The following KIF24 variants were observed in gnomAD, a reference collection of about 807,000 sequenced individuals.
KIF24 encodes the protein kinesin-like protein KIF24.
A neutral mutation model predicts 118.9 loss-of-function variants in KIF24; 81 were observed. That is an observed-to-expected ratio of 0.68 (90% confidence interval 0.57 to 0.82). The LOEUF (loss-of-function observed/expected upper bound fraction) is 0.82. Ranked by LOEUF, KIF24 falls within the 40% of genes least tolerant of loss-of-function variation. The probability of loss-of-function intolerance (pLI) is 0.00; values close to 1 mark genes in which losing one functional copy is unlikely to be tolerated. For synonymous variants in KIF24, 599 were observed against 610.0 expected, an observed-to-expected ratio of 0.98 and a Z score of 0.27; for missense variants, 1,560 against 1,661.6, an observed-to-expected ratio of 0.94 and a Z score of 1.06.
intron 7 of KIF24, among the ~76,000 whole-genome samples, chr9:34,270,056 T>C (rs959785915): frequency 1.3e-5 from 2 of 151,572 alleles, no homozygotes; most frequent in Non-Finnish European, 2.9e-5. Flanking sequence ...ACCCCGTCTC[T>C]ACTAAAAATA....
intron 3 of KIF24, among the ~76,000 whole-genome samples, chr9:34,300,735 A>G (rs553311569): frequency 6.6e-6 from 1 of 152,030 alleles, no homozygotes; most frequent in African/African-American, 2.4e-5. Flanking sequence ...AGGAGACAAA[A>G]TAATTCGTTG....
chr9:34,255,821 G>C lies in KIF24; in HGVS notation c.3786C>G (p.Cys1262Trp). Residue 1262 changes from cysteine (C) to tryptophan (W), a missense_variant, in exon 11 of 13, where the codon TGC becomes TGG. Around this residue, in one of 3 missense-constraint regions of KIF24, gnomAD observed 591 missense variants for 655.6 expected, o/e 0.90. Transcript: ENST00000402558. ...TWLKPRPISR[C>W]LARPSSPLVP... ...CCAAGGGAGAACTTGGCCTTGCTAA[G>C]CACCTTGAGATCGGCCTGGGTTTGA... 1.2e-6 allele frequency: 2 copies of C among 1,613,980 alleles called. No homozygotes were observed. The highest frequency in any genetic ancestry group is 8.5e-7 in the Non-Finnish European group (1 of 1,179,854).
At position 34,252,755 on chromosome 9, in the gene KIF24, C is replaced by G. The variant is rs1480164674; in HGVS notation, c.*1625G>C. The G allele has an allele frequency of 6.6e-6, 1 of 152,134 alleles. No homozygotes were observed. The highest frequency in any genetic ancestry group is 2.1e-4 in the South Asian group (1 of 4,828). The allele number at this position is 152,134 out of a possible 1,614,324, so 9.4% of individuals were successfully genotyped here. ...CCCAGCTCCGTCTGTGGACCAAGGA[C>G]GTAGGCCTTCCTGACTGTGGAGTTG... is the stretch of plus-strand genomic sequence containing the variant. On this transcript the variant is annotated 3_prime_UTR_variant, in exon 13 of 13. Transcript: ENST00000402558.
chr9:34,328,745 G>A (rs1837763805), intron 1 of KIF24, among the ~76,000 whole-genome samples: 1 of 152,166 alleles, frequency 6.6e-6, no homozygotes, highest in African/African-American at 2.4e-5. Flanking sequence ...ATGGGAAAAG[G>A]GAAGCGAACG....
At chr9:34,317,311 C>A (rs1244645308) in intron 1 of KIF24, among the ~76,000 whole-genome samples, 1 of 151,566 alleles carries the variant, frequency 6.6e-6, no homozygotes, top group African/African-American at 2.4e-5. Context: ...AATCACTTGA[C>A]CGTGGGAGGC....
chr9:34,290,013 T>C (rs1471608628), intron 5 of KIF24, among the ~76,000 whole-genome samples, 161 bp downstream of exon 5: 8 of 152,192 alleles, frequency 5.3e-5, no homozygotes, highest in Admixed American at 4.6e-4. Context: ...TATAGCTGAA[T>C]TGACAGCTAG....
At chr9:34,261,380 G>A (rs1014606509) in intron 9 of KIF24, among the ~76,000 whole-genome samples, 1 of 152,074 alleles carries the variant, frequency 6.6e-6, no homozygotes, top group East Asian at 1.9e-4. Flanking sequence ...TATGAATGCT[G>A]ATTTAACATC....
intron 5 of KIF24, among the ~76,000 whole-genome samples, chr9:34,288,799 A>T (rs1365988523): frequency 2.0e-5 from 3 of 151,808 alleles, no homozygotes; most frequent in Admixed American, 6.6e-5. Context: ...CATTAAAGAA[A>T]TGCGTTCAGA....
chr9:34,256,558 T>C lies in KIF24; in HGVS notation c.3049A>G (p.Ile1017Val), dbSNP rs751774174. 4.3e-6 allele frequency: 7 copies of C among 1,613,872 alleles called. No homozygotes were observed. Among genetic ancestry groups the C allele is most frequent in the South Asian group, 1.1e-5 (1 of 91,088 alleles). ...PLREVSADGP[I>V]QVTSTVKNGH... ...TTTTTCACAGTGCTGGTCACCTGGA[T>C]TGGGCCGTCTGCACTGACTTCTCTC... The change falls in exon 11 of 13, where the codon ATC becomes GTC. Residue 1017 changes from isoleucine (I) to valine (V), a missense_variant. Around this residue, in one of 3 missense-constraint regions of KIF24, gnomAD observed 591 missense variants for 655.6 expected, o/e 0.90. Coordinates refer to ENST00000402558, the MANE Select transcript of KIF24 (RefSeq NM_194313.4).
chr9:34,298,131 AG>A (rs769513081), intron 3 of KIF24, among the ~76,000 whole-genome samples: 3 of 152,200 alleles, frequency 2.0e-5, no homozygotes, highest in Non-Finnish European at 4.4e-5. Flanking sequence ...TTCCAGGCAC[AG>A]GGGAAGTATG....
chr9:34,302,093 C>T (rs1476756649), intron 3 of KIF24, among the ~76,000 whole-genome samples: 10 of 146,692 alleles, frequency 6.8e-5, no homozygotes, highest in African/African-American at 2.3e-4. Context: ...CTCCTGGGTT[C>T]ACGCCATTCT....
At chr9:34,299,968 T>G (rs1199521395) in intron 3 of KIF24, among the ~76,000 whole-genome samples, 2 of 152,096 alleles carry the variant, frequency 1.3e-5, no homozygotes, top group African/African-American at 4.8e-5. Flanking sequence ...TTCTACTTTT[T>G]GGGCCTGCTC....
Position 34,257,163 on chromosome 9 carries a change from T to C in KIF24, c.2444A>G (p.His815Arg), listed in dbSNP as rs1834882062. 6.2e-7 allele frequency: 1 copy of C among 1,614,028 alleles called. No homozygotes were observed. ...PPLFHSYSEN[H>R]DGAQVEELDD... is the part of the protein sequence containing the mutation. ...AAGTTCCTCTACTTGGGCTCCATCA[T>C]GGTTTTCAGAGTAAGAGTGGAACAG... is the stretch of plus-strand genomic sequence containing the variant. The change falls in exon 11 of 13, where the codon CAT (histidine) becomes CGT (arginine). Residue 815 changes from histidine (H) to arginine (R), a missense_variant. His to Arg is a conservative substitution (Grantham distance 29, BLOSUM62 0). Coordinates refer to ENST00000402558, the MANE Select transcript of KIF24 (RefSeq NM_194313.4).
At chr9:34,305,655 G>A (rs1836884520) in intron 3 of KIF24, among the ~76,000 whole-genome samples, 1 of 152,182 alleles carries the variant, frequency 6.6e-6, no homozygotes, top group African/African-American at 2.4e-5. Context: ...CCAGGCTGGA[G>A]TGCAGTGGTG....
At chr9:34,268,987 A>T (rs954247341) in intron 8 of KIF24, among the ~76,000 whole-genome samples, 6 of 152,222 alleles carry the variant, frequency 3.9e-5, no homozygotes, top group Non-Finnish European at 8.8e-5. Context: ...AGCTTAGCGG[A>T]GTTAACCATT....
chr9:34,257,530 C>G lies in KIF24; in HGVS notation c.2077G>C (p.Gly693Arg), dbSNP rs373559929. 14 of 1,613,976 alleles carry G rather than the reference C, an allele frequency of 8.7e-6. No homozygotes were observed. ...GTGGACAGCTTACCACGCACTAGGC[C>G]TTCTCCTGGGCCTGAGGCCCTGCTT... ...WESRASGPGE[G>R]LVRGKLSTKC... The change falls in exon 11 of 13, where the codon GGC becomes CGC. Residue 693 changes from glycine (G) to arginine (R), a missense_variant. Around this residue, in one of 3 missense-constraint regions of KIF24, gnomAD observed 964 missense variants for 988.0 expected, o/e 0.98. Transcript: ENST00000402558.
At position 34,255,718 on chromosome 9, in the gene KIF24, G is replaced by C. The variant is rs759626365; in HGVS notation, c.3872+17C>G. The stretch of plus-strand genomic sequence containing the variant: ...GTGCCAAAGGGGCTCAAGTCTTAGG[G>C]AAAGTGTCCAACTTACTGCGCTTGC... On this transcript the variant is annotated intron_variant, in intron 11 of 12. Transcript: ENST00000402558. 1 of 1,590,516 alleles carries C rather than the reference G, an allele frequency of 6.3e-7. No individual in the cohort carries two copies. The highest frequency in any genetic ancestry group is 2.2e-5 in the East Asian group (1 of 44,626).
intron 1 of KIF24, among the ~76,000 whole-genome samples, chr9:34,317,547 C>A (rs531717788): frequency 4.5e-4 from 68 of 152,250 alleles, no homozygotes; most frequent in East Asian, 2.3e-3. Flanking sequence ...CAGAAAGGAA[C>A]AATTTGTAAG....
chr9:34,268,464 T>C (rs914705312), intron 8 of KIF24, among the ~76,000 whole-genome samples: 2 of 151,208 alleles, frequency 1.3e-5, no homozygotes, highest in Non-Finnish European at 2.9e-5. Flanking sequence ...CTGAGATATA[T>C]ACAATATTTA....
Sources: gnomAD v4.1 joint callset for allele counts (sites outside exome capture counted in the v4.1 genomes callset) on GRCh38, gnomAD v4.1.1 for gene constraint, gnomAD v4.1.1 regional missense constraint, MANE v1.5 for transcripts, NCBI Gene and HGNC (gene_info 2026-07-23, HGNC 2026-07-21) for gene names.